The following KLHDC10 variants were observed in gnomAD, a reference collection of about 807,000 sequenced individuals.
KLHDC10 encodes the protein kelch domain-containing protein 10.
Under a neutral mutation model 56.1 loss-of-function variants are expected in KLHDC10, and 24 were observed. The ratio of observed to expected loss-of-function variants is 0.43; its 90% confidence interval spans 0.31 to 0.60. The LOEUF is 0.60. Among genes scored for constraint, KLHDC10 ranks in the 20% least tolerant of loss-of-function variants. KLHDC10 has a pLI of 0.11. For synonymous variants in KLHDC10, 188 were observed against 207.1 expected (o/e 0.91, Z 0.79); for missense variants, 349 against 567.0 (o/e 0.62, Z 3.91).
At chr7:130,113,681 T>C (rs897415056) in intron 2 of KLHDC10, among the ~76,000 whole-genome samples, 1 of 152,150 alleles carries the variant, frequency 6.6e-6, no homozygotes, top group Non-Finnish European at 1.5e-5. Flanking sequence ...AAACCGTCTT[T>C]TCACAGACCC....
At chr7:130,095,220 AC>A (rs1318570664) in intron 1 of KLHDC10, among the ~76,000 whole-genome samples, 1 of 151,790 alleles carries the variant, frequency 6.6e-6, no homozygotes, top group Non-Finnish European at 1.5e-5. Flanking sequence ...ATATATATAT[AC>A]TTATATTTAT....
At chr7:130,113,521 C>T (rs557093233) in intron 2 of KLHDC10, among the ~76,000 whole-genome samples, 6 of 152,036 alleles carry the variant, frequency 3.9e-5, no homozygotes, top group South Asian at 2.1e-4. Context: ...TTAGTAGAGA[C>T]GGGGTTTCAC....
rs764878845 is a variant in KLHDC10 at position 130,129,469 on chromosome 7, G to C, written c.1012G>C (p.Val338Leu). 2 of 1,614,044 alleles carry C rather than the reference G, an allele frequency of 1.2e-6. No individual in the cohort carries two copies. The highest frequency in any genetic ancestry group is 1.7e-6 in the Non-Finnish European group (2 of 1,180,052). Residue 338 changes from valine (V) to leucine (L), a missense_variant, in exon 9 of 10, where the codon GTG (valine) becomes CTG (leucine). Around this residue, in one of 2 missense-constraint regions of KLHDC10, gnomAD observed 245 missense variants for 470.1 expected, o/e 0.52. Transcript: ENST00000335420. The part of the protein sequence containing the change: ...VFICGGYNGE[V>L]ILGDIWKLNL... ...TATTTGTGGGGGCTATAATGGAGAG[G>C]TGATCCTGGGAGATATCTGGAAGTT...
At chr7:130,101,241 A>G (rs1795925089) in intron 2 of KLHDC10, among the ~76,000 whole-genome samples, 1 of 152,234 alleles carries the variant, frequency 6.6e-6, no homozygotes, top group African/African-American at 2.4e-5. Flanking sequence ...TACATATAGC[A>G]AATGTTGAAT....
intron 8 of KLHDC10, among the ~76,000 whole-genome samples, chr7:130,128,889 A>AAAAAAAAAAAATATATATATATATATAT: frequency 1.5e-5 from 1 of 66,950 alleles, no homozygotes; most frequent in Non-Finnish European, 2.8e-5. Context: ...AAAAAAAAAA[A>AAAAAAAAAAAATATATATATATATATAT]ATATATATAT....
Position 130,122,062 on chromosome 7 carries a change from C to T in KLHDC10, c.639C>T (p.Ala213=), listed in dbSNP as rs1233867265. 2 of 1,613,012 alleles carry T rather than the reference C, an allele frequency of 1.2e-6. No homozygotes were observed. The highest frequency in any genetic ancestry group is 3.3e-5 in the Admixed American group (2 of 59,842). ...KPSRIYGQAM[A]IINGSLYVFG... is the part of the protein sequence containing the mutation. ...CTTTCCTTGTTATCCAGGCTATGGC[C>T]ATCATCAATGGCTCCCTTTATGTCT... The change falls in exon 5 of 10, where the codon GCC becomes GCT. Residue 213 remains alanine, a synonymous_variant. Coordinates refer to ENST00000335420, the MANE Select transcript of KLHDC10 (RefSeq NM_014997.4).
At chr7:130,117,098 T>C (rs187932426) in intron 3 of KLHDC10, among the ~76,000 whole-genome samples, 1 of 152,360 alleles carries the variant, frequency 6.6e-6, no homozygotes. Context: ...TAAAGTTATG[T>C]TTACGCTATG....
At chr7:130,105,226 A>G (rs1187303274) in intron 2 of KLHDC10, among the ~76,000 whole-genome samples, 1 of 152,224 alleles carries the variant, frequency 6.6e-6, no homozygotes, top group Non-Finnish European at 1.5e-5. Flanking sequence ...ATTTACATAC[A>G]TTAAGATTCA....
chr7:130,075,122 G>A (rs985663341), intron 1 of KLHDC10, among the ~76,000 whole-genome samples: 1 of 152,108 alleles, frequency 6.6e-6, no homozygotes, highest in Non-Finnish European at 1.5e-5. Flanking sequence ...ACCCAGTAAC[G>A]AACAGGGAAT....
chr7:130,087,833 T>C (rs1795713017), intron 1 of KLHDC10, among the ~76,000 whole-genome samples: 1 of 151,560 alleles, frequency 6.6e-6, no homozygotes, highest in Non-Finnish European at 1.5e-5. Flanking sequence ...CAGTATCGGC[T>C]CACTGCAACC....
intron 2 of KLHDC10, among the ~76,000 whole-genome samples, chr7:130,108,146 CT>C (rs1796041192): frequency 6.6e-6 from 1 of 151,396 alleles, no homozygotes; most frequent in Non-Finnish European, 1.5e-5. Flanking sequence ...GGAGAATCGC[CT>C]GAACCCGGAG....
Position 130,130,358 on chromosome 7 carries a change from T to C in KLHDC10, c.1120-179T>C, listed in dbSNP as rs1233227050. ...AAATCATATATATATATATATAGTT[T>C]TTCCCTTAGTAATTCATTAATTATT... On this transcript the variant is annotated intron_variant, in intron 9 of 9. Transcript: ENST00000335420. This position sits in a 1 kb window ranked among gnomAD's most constrained non-coding sequence, Gnocchi z 4.2. Among the ~76,000 whole-genome samples the C allele has an allele frequency of 7.0e-6, 1 of 143,874 alleles. No individual in the cohort carries two copies. Among genetic ancestry groups the C allele is most frequent in the Admixed American group, 6.7e-5 (1 of 14,940 alleles). The allele number at this position is 143,874 out of a possible 152,430, so 94.4% of individuals were successfully genotyped here.
rs1408292158 is a variant in KLHDC10 at position 130,130,806 on chromosome 7, T to C, written c.*60T>C. The C allele has an allele frequency of 1.3e-6, 2 of 1,502,772 alleles. No individual in the cohort carries two copies. The highest frequency in any genetic ancestry group is 1.7e-5 in the Admixed American group (1 of 59,664). The allele number at this position is 1,502,772 out of a possible 1,614,324, so 93.1% of individuals were successfully genotyped here. A position where few individuals can be genotyped will look rare whatever the true frequency, so the allele number is the denominator to read the frequency against. ...TAATTTAAAGAGACTCCTTTATTTA[T>C]GGGCAGTGTAGAATGTGCTACAAAG... On this transcript the variant is annotated 3_prime_UTR_variant, in exon 10 of 10. Transcript: ENST00000335420. This position sits in a 1 kb window ranked among gnomAD's most constrained non-coding sequence, Gnocchi z 4.2.
chr7:130,084,884 A>G (rs1325680610), intron 1 of KLHDC10, among the ~76,000 whole-genome samples: 1 of 150,674 alleles, frequency 6.6e-6, no homozygotes, highest in African/African-American at 2.5e-5. Flanking sequence ...GGGGCAAATC[A>G]AGAGTGTTGT....
rs199826811 is a variant in KLHDC10, at chr7:130,113,330, G to A, written c.254-3115G>A. 4.4e-4 allele frequency among the ~76,000 whole-genome samples: 61 copies of A among 140,034 alleles called. 2 individuals carry two copies. The East Asian group carries it at 0.012, about 28-fold the overall frequency. The allele number at this position is 140,034 out of a possible 152,430, so 91.9% of individuals were successfully genotyped here. A position where few individuals can be genotyped will look rare whatever the true frequency, so the allele number is the denominator to read the frequency against. The stretch of plus-strand genomic sequence containing the variant: ...CTTAGTACATAGCCAGCATCCAATA[G>A]TAACTTTTTTTTTTTTTTTGAGACG... On this transcript the variant is annotated intron_variant, in intron 2 of 9. Transcript: ENST00000335420.
At chr7:130,098,701 TACTA>T (rs1214403744) in intron 2 of KLHDC10, among the ~76,000 whole-genome samples, 2 of 152,034 alleles carry the variant, frequency 1.3e-5, no homozygotes, top group African/African-American at 4.8e-5. Context: ...TAATTATACA[TACTA>T]AATATAAGCA....
intron 2 of KLHDC10, among the ~76,000 whole-genome samples, chr7:130,098,468 G>A (rs765168841): frequency 9.2e-5 from 14 of 152,080 alleles, no homozygotes; most frequent in Non-Finnish European, 1.6e-4. Flanking sequence ...ATTCCAGCCT[G>A]GGCGATAGAG....
At chr7:130,082,774 C>T (rs548940432) in intron 1 of KLHDC10, among the ~76,000 whole-genome samples, 2 of 152,292 alleles carry the variant, frequency 1.3e-5, no homozygotes, top group East Asian at 3.9e-4. Flanking sequence ...GTAATAACGT[C>T]CTAATTGCTA....
At chr7:130,121,727 C>G (rs1011700122) in intron 4 of KLHDC10, among the ~76,000 whole-genome samples, 3 of 152,194 alleles carry the variant, frequency 2.0e-5, no homozygotes, top group African/African-American at 7.2e-5. Flanking sequence ...TTTCTTCAGA[C>G]TGCTTATAAA....
Sources: allele counts gnomAD v4.1 joint callset (sites outside exome capture counted in the v4.1 genomes callset), GRCh38; gene constraint gnomAD v4.1.1; regional missense constraint gnomAD v4.1.1; non-coding constraint Gnocchi (gnomAD v3.1); transcripts MANE v1.5; gene names NCBI Gene and HGNC (gene_info 2026-07-23, HGNC 2026-07-21).